The following OSBPL8 variants were observed in gnomAD, a reference collection of about 807,000 sequenced individuals.
OSBPL8 encodes oxysterol-binding protein-related protein 8.
In OSBPL8, 59 loss-of-function variants were observed where a neutral mutation model predicts 125.5. That is an observed-to-expected ratio of 0.47 (90% CI 0.38 to 0.58). The LOEUF (loss-of-function observed/expected upper bound fraction) is 0.58, where lower values mean the gene tolerates loss of function less well. OSBPL8 is among the 20% of genes least tolerant of loss of function. OSBPL8 has a pLI of 0.00. For synonymous variants in OSBPL8, 330 were observed against 338.9 expected, an observed-to-expected ratio of 0.97 and a Z score of 0.29; for missense variants, 758 against 1,047.8, an observed-to-expected ratio of 0.72 and a Z score of 3.82.
intron 2 of OSBPL8, among the ~76,000 whole-genome samples, chr12:76,461,436 C>T (rs1402351625): frequency 6.6e-6 from 1 of 152,052 alleles, no homozygotes; most frequent in African/African-American, 2.4e-5. Flanking sequence ...CCCACTCCAC[C>T]CTCCATCCCC....
At chr12:76,550,085 G>C (rs1387636518) in intron 1 of OSBPL8, among the ~76,000 whole-genome samples, 1 of 144,316 alleles carries the variant, frequency 6.9e-6, no homozygotes, top group Non-Finnish European at 1.5e-5. Context: ...GTATGCTGAA[G>C]AGTTGGGGTG....
intron 1 of OSBPL8, among the ~76,000 whole-genome samples, chr12:76,540,141 T>C (rs2137414900): frequency 6.6e-6 from 1 of 152,324 alleles, no homozygotes; most frequent in East Asian, 1.9e-4. Flanking sequence ...TTACTTTTCA[T>C]ATAAAATTCT....
intron 4 of OSBPL8, among the ~76,000 whole-genome samples, chr12:76,434,410 A>G (rs1871207241): frequency 6.6e-6 from 1 of 152,202 alleles, no homozygotes; most frequent in South Asian, 2.1e-4. Flanking sequence ...ACCAGAAGGA[A>G]AAGGGAAAAA....
In OSBPL8 at chr12:76,386,660, C is replaced by A; in HGVS notation, c.1353G>T (p.Glu451Asp). 1.3e-6 allele frequency: 2 copies of A among 1,593,208 alleles called. No individual in the cohort carries two copies. The highest frequency in any genetic ancestry group is 1.7e-6 in the Non-Finnish European group (2 of 1,168,938). Reference protein sequence around the residue: ...DYYYHADFLSEAALEENPYFR... With the variant: ...DYYYHADFLSDAALEENPYFR... The stretch of plus-strand genomic sequence containing the variant: ...AATAAGGATTTTCTTCAAGAGCTGC[C>A]CTAAAACACAAAACGGTAAACAAAA... The change falls in exon 13 of 24, where the codon GAG (glutamate) becomes GAT (aspartate). Residue 451 changes from glutamate to aspartate, a missense_variant and splice_region_variant. By Grantham distance (45) the Glu-to-Asp change is conservative. Coordinates refer to ENST00000261183, the MANE Select transcript of OSBPL8 (RefSeq NM_020841.5).
intron 2 of OSBPL8, chr12:76,486,059 G>A: frequency 2.3e-6 from 1 of 430,452 alleles, no homozygotes. Context: ...TTAAATCAAT[G>A]TGACAACAGC....
intron 2 of OSBPL8, among the ~76,000 whole-genome samples, chr12:76,485,470 G>T (rs1592767937): frequency 1.3e-5 from 2 of 152,082 alleles, no homozygotes; most frequent in East Asian, 3.9e-4. Context: ...CTACTCAGGA[G>T]GCTGAGGTAG....
chr12:76,499,402 T>A (rs1879662140), intron 1 of OSBPL8, among the ~76,000 whole-genome samples: 1 of 151,982 alleles, frequency 6.6e-6, no homozygotes, highest in African/African-American at 2.4e-5. Context: ...ATTAGTTCTG[T>A]CCCTCTAGAG....
At chr12:76,527,760 G>A in intron 1 of OSBPL8, among the ~76,000 whole-genome samples, 1 of 152,110 alleles carries the variant, frequency 6.6e-6, no homozygotes, top group East Asian at 1.9e-4. Flanking sequence ...CTGAGCTTAG[G>A]GAACCCAAAT....
chr12:76,497,721 T>C (rs1309485899), intron 1 of OSBPL8, among the ~76,000 whole-genome samples: 1 of 152,194 alleles, frequency 6.6e-6, no homozygotes, highest in Non-Finnish European at 1.5e-5. Flanking sequence ...AGGGCTTAAG[T>C]GCATAAGGTC....
At chr12:76,516,140 A>G (rs71460170) in intron 1 of OSBPL8, among the ~76,000 whole-genome samples, 134 of 152,270 alleles carry the variant, frequency 8.8e-4, no homozygotes, top group Non-Finnish European at 1.5e-3. Context: ...GCCACCCCAA[A>G]ATACACTGCT....
intron 1 of OSBPL8, among the ~76,000 whole-genome samples, chr12:76,499,174 TG>T (rs1879604198): frequency 6.6e-6 from 1 of 152,158 alleles, no homozygotes; most frequent in Non-Finnish European, 1.5e-5. Context: ...CAGTGCTGGA[TG>T]CTTCCTGCCC....
At chr12:76,359,761 C>G (rs1292116753) in intron 21 of OSBPL8, among the ~76,000 whole-genome samples, 1 of 152,188 alleles carries the variant, frequency 6.6e-6, no homozygotes, top group African/African-American at 2.4e-5. Context: ...ATAAAACCAT[C>G]AGATCTCGTG....
chr12:76,420,106 T>C (rs1341612309), intron 4 of OSBPL8, among the ~76,000 whole-genome samples: 1 of 152,094 alleles, frequency 6.6e-6, no homozygotes, highest in Non-Finnish European at 1.5e-5. Flanking sequence ...TGTGATATAA[T>C]AAAGCAAATT....
intron 2 of OSBPL8, among the ~76,000 whole-genome samples, chr12:76,474,172 A>T (rs886917632): frequency 2.1e-4 from 32 of 152,306 alleles, no homozygotes; most frequent in African/African-American, 6.5e-4. Flanking sequence ...ATGTTTAAAT[A>T]AAATAAAATA....
Position 76,454,608 on chromosome 12 carries a change from A to G in OSBPL8, c.80-3620T>C, listed in dbSNP as rs1873794123. Among the ~76,000 whole-genome samples, 2 of 152,100 alleles carry G rather than the reference A, an allele frequency of 1.3e-5. 1 individual carries two copies. The highest frequency in any genetic ancestry group is 4.1e-4 in the South Asian group (2 of 4,836). On this transcript the variant is annotated intron_variant, in intron 3 of 23. Transcript: ENST00000261183. ...ATAGCAGGCATCTGTAGTCCCAGCT[A>G]CTAGGGAGGCTGAGGTGGGAGCATC...
chr12:76,550,401 C>T (rs1005764218), intron 1 of OSBPL8, among the ~76,000 whole-genome samples: 1 of 152,138 alleles, frequency 6.6e-6, no homozygotes, highest in Admixed American at 6.6e-5. Flanking sequence ...ATGGTATCAA[C>T]ACTATTTATT....
intron 1 of OSBPL8, among the ~76,000 whole-genome samples, chr12:76,545,129 G>T (rs372390479): frequency 6.6e-6 from 1 of 152,108 alleles, no homozygotes; most frequent in Non-Finnish European, 1.5e-5. Context: ...ATACTAGGTC[G>T]CATTGTGACA....
intron 3 of OSBPL8, among the ~76,000 whole-genome samples, chr12:76,452,875 GATC>G (rs1241020619): frequency 1.3e-5 from 2 of 152,138 alleles, no homozygotes; most frequent in African/African-American, 4.8e-5. Flanking sequence ...TCCTACCCCA[GATC>G]ATCACATTAT....
Position 76,548,222 on chromosome 12 carries a change from A to G in OSBPL8, c.-68+11175T>C, listed in dbSNP as rs143997447. 5.4e-3 allele frequency among the ~76,000 whole-genome samples: 820 copies of G among 152,330 alleles called. 7 individuals carry two copies. Among genetic ancestry groups the G allele is most frequent in the African/African-American group, 0.019 (792 of 41,576 alleles). On this transcript the variant is annotated intron_variant, in intron 1 of 23. Transcript: ENST00000261183. ...AAAGAAATTAAAATTGAGGCTAGAA[A>G]GAAAATCCAACAAATTTCTGGGAAA...
Sources: gnomAD v4.1 joint callset for allele counts (sites outside exome capture counted in the v4.1 genomes callset) on GRCh38, gnomAD v4.1.1 for gene constraint, MANE v1.5 for transcripts, NCBI Gene and HGNC (gene_info 2026-07-23, HGNC 2026-07-21) for gene names.